The following OR2L13 variants were observed in gnomAD, a reference collection of about 807,000 sequenced individuals.
OR2L13 encodes olfactory receptor family 2 subfamily L member 13, also known as olfactory receptor 2L13.
A neutral mutation model predicts 15.3 loss-of-function variants in OR2L13; 14 were observed. That is an observed-to-expected ratio of 0.91 (90% CI 0.60 to 1.43). The LOEUF is 1.43. OR2L13 is among the 40% of genes most tolerant of loss of function. The probability of loss-of-function intolerance (pLI) is 0.00; values close to 1 mark genes in which losing one functional copy is unlikely to be tolerated. For missense variants in OR2L13, 367 were observed against 387.9 expected (o/e 0.95, Z 0.45); for synonymous variants, 152 against 142.9 (o/e 1.06, Z -0.45).
the OR2L13 span, among the ~76,000 whole-genome samples, chr1:248,043,121 A>G: frequency 6.5e-3 from 982 of 151,502 alleles, 2 homozygotes; most frequent in Middle Eastern, 0.014. Context: ...TGCGGTGTCC[A>G]GGTAGCCTTT....
the OR2L13 span, chr1:248,022,557 A>G: frequency 3.7e-6 from 6 of 1,614,058 alleles, no homozygotes; most frequent in African/African-American, 6.7e-5. Flanking sequence ...GAGCAGCACC[A>G]TCTTTCTTGT....
At chr1:248,068,367 T>G in the OR2L13 span, among the ~76,000 whole-genome samples, 1 of 152,116 alleles carries the variant, frequency 6.6e-6, no homozygotes, top group Non-Finnish European at 1.5e-5. Flanking sequence ...CAGCCACTGC[T>G]GCTGGTACCC....
At chr1:248,095,607 C>CTTTTTTTTTTTTTT (rs780686820), upstream of OR2L13, among the ~76,000 whole-genome samples, 261 of 37,300 alleles carry the variant, frequency 7.0e-3, 85 homozygotes, top group South Asian at 0.017. Context: ...AAAGCTGCTG[C>CTTTTTTTTTTTTTT]TTTTTTTTTT....
the OR2L13 span, among the ~76,000 whole-genome samples, chr1:248,058,019 G>T: frequency 6.6e-6 from 1 of 152,156 alleles, no homozygotes; most frequent in African/African-American, 2.4e-5. Context: ...TAGATGCAGA[G>T]AAAGTGGACT....
At chr1:248,055,679 C>T in the OR2L13 span, among the ~76,000 whole-genome samples, 4 of 152,224 alleles carry the variant, frequency 2.6e-5, no homozygotes, top group African/African-American at 7.2e-5. Flanking sequence ...ATCACTTAAA[C>T]CCAGGAGGCG....
the OR2L13 span, chr1:248,003,696 T>G: frequency 4.3e-6 from 7 of 1,612,996 alleles, no homozygotes; most frequent in African/African-American, 1.3e-5. Context: ...CTGGCCTGCA[T>G]GGACACCTGG....
chr1:247,974,896 C>G, the OR2L13 span: 8 of 249,232 alleles, frequency 3.2e-5, no homozygotes, highest in African/African-American at 1.6e-4. Context: ...TTCTTGGACA[C>G]TCATCTCCAC....
chr1:248,031,497 G>C, the OR2L13 span, among the ~76,000 whole-genome samples: 1 of 152,224 alleles, frequency 6.6e-6, no homozygotes, highest in Non-Finnish European at 1.5e-5. Flanking sequence ...AGTAGGCAGG[G>C]TCTTTTAATG....
the OR2L13 span, among the ~76,000 whole-genome samples, chr1:248,010,214 G>A: frequency 1.1e-4 from 16 of 152,142 alleles, no homozygotes; most frequent in Non-Finnish European, 2.2e-4. Context: ...TAGGAAGAGA[G>A]GAAGTAAAAT....
At chr1:248,034,796 T>G in the OR2L13 span, among the ~76,000 whole-genome samples, 1 of 152,238 alleles carries the variant, frequency 6.6e-6, no homozygotes, top group East Asian at 1.9e-4. Flanking sequence ...TATAGCCACT[T>G]GAAGCCTAGG....
At chr1:247,970,641 T>G in the OR2L13 span, among the ~76,000 whole-genome samples, 2 of 152,182 alleles carry the variant, frequency 1.3e-5, no homozygotes, top group Non-Finnish European at 1.5e-5. Context: ...ACTCTAAAAT[T>G]AATCTTCACT....
the OR2L13 span, among the ~76,000 whole-genome samples, chr1:248,086,537 C>T: frequency 1.3e-5 from 2 of 152,096 alleles, no homozygotes; most frequent in African/African-American, 4.8e-5. Context: ...ATTAATTCTT[C>T]TTTCAGGTAT....
At chr1:248,084,506 T>A in the OR2L13 span, 3 of 1,612,338 alleles carry the variant, frequency 1.9e-6, no homozygotes, top group Non-Finnish European at 2.5e-6. Context: ...AAAACGATAC[T>A]CAGAACCATC....
chr1:248,020,346 ACTC>A, the OR2L13 span, among the ~76,000 whole-genome samples: 2 of 152,100 alleles, frequency 1.3e-5, no homozygotes, highest in Non-Finnish European at 2.9e-5. Context: ...CCTCCAGAAA[ACTC>A]CTAGAACTAA....
the OR2L13 span, chr1:248,021,877 C>A: frequency 8.0e-7 from 1 of 1,251,960 alleles, no homozygotes; most frequent in Non-Finnish European, 1.1e-6. Context: ...GCAACCCCTG[C>A]AGATAATGGG....
At chr1:247,975,703 A>G in the OR2L13 span, 2 of 756,716 alleles carry the variant, frequency 2.6e-6, no homozygotes, top group Non-Finnish European at 2.2e-6. Context: ...CCTCACATCA[A>G]CTTAGCAGTG....
the OR2L13 span, among the ~76,000 whole-genome samples, chr1:248,027,570 TTC>T: frequency 6.6e-6 from 1 of 152,162 alleles, no homozygotes; most frequent in East Asian, 1.9e-4. Flanking sequence ...GCTTTAAAAT[TTC>T]TCTCTTTGTC....
upstream of OR2L13, among the ~76,000 whole-genome samples, chr1:248,095,709 T>A (rs1276258044): frequency 2.1e-5 from 3 of 143,938 alleles, no homozygotes; most frequent in Non-Finnish European, 4.5e-5. Flanking sequence ...CAGGTTCAAG[T>A]GATTCTTCTG....
At chr1:248,059,220 G>A in the OR2L13 span, among the ~76,000 whole-genome samples, 4 of 152,034 alleles carry the variant, frequency 2.6e-5, no homozygotes, top group African/African-American at 7.2e-5. Flanking sequence ...AATTCTGGTG[G>A]TATTTGGCTC....
Sources: gnomAD v4.1 joint callset for allele counts (sites outside exome capture counted in the v4.1 genomes callset) on GRCh38, gnomAD v4.1.1 for gene constraint, MANE v1.5 for transcripts, NCBI Gene and HGNC (gene_info 2026-07-23, HGNC 2026-07-21) for gene names.